The following PITPNM2 variants were observed in gnomAD, a reference collection of about 807,000 sequenced individuals.
The protein encoded by PITPNM2 is phosphatidylinositol transfer protein membrane associated 2.
Under a neutral mutation model 132.2 loss-of-function variants are expected in PITPNM2, and 35 were observed. The observed-to-expected ratio is 0.26, with a 90% CI of 0.20 to 0.35. The LOEUF (loss-of-function observed/expected upper bound fraction) is 0.35. Among genes scored for constraint, PITPNM2 ranks in the 10% least tolerant of loss-of-function variants. PITPNM2 has a pLI of 1.00. For synonymous variants in PITPNM2, 738 were observed against 799.2 expected, an observed-to-expected ratio of 0.92 and a Z score of 1.29; for missense variants, 1,332 against 1,912.0, an observed-to-expected ratio of 0.70 and a Z score of 5.66.
Position 123,082,210 on chromosome 12 carries a change from G to A in PITPNM2, c.-96+28175C>T, listed in dbSNP as rs2041984548. On this transcript the variant is annotated intron_variant, in intron 2 of 25. Coordinates refer to ENST00000320201, the MANE Select transcript of PITPNM2 (RefSeq NM_020845.3). The surrounding 1 kb of genome is among the most constrained non-coding windows in gnomAD (Gnocchi z 5.4). ...GGCCGTGGGCAAGTTCCTGCCTTGG[G>A]GCATCTGTACTTGCCACTCTCCCTC... 6.6e-6 allele frequency among the ~76,000 whole-genome samples: 1 copy of A among 152,176 alleles called. No homozygotes were observed. The highest frequency in any genetic ancestry group is 2.4e-5 in the African/African-American group (1 of 41,440).
chr12:123,085,663 TTA>T (rs1448108829), intron 2 of PITPNM2, among the ~76,000 whole-genome samples: 1 of 152,092 alleles, frequency 6.6e-6, no homozygotes, highest in Non-Finnish European at 1.5e-5. Flanking sequence ...ACAGAAAATT[TTA>T]TGTTATGTAT....
chr12:123,048,148 T>C (rs943832706), intron 2 of PITPNM2, among the ~76,000 whole-genome samples: 3 of 147,010 alleles, frequency 2.0e-5, no homozygotes, highest in Non-Finnish European at 4.5e-5. Flanking sequence ...CATCAAAACC[T>C]AATGAGAAAA....
At chr12:123,003,279 C>G (rs1343144734) in intron 8 of PITPNM2, among the ~76,000 whole-genome samples, 1 of 152,180 alleles carries the variant, frequency 6.6e-6, no homozygotes. Flanking sequence ...ACTTGCCGGC[C>G]CCCCTCCAGT....
Position 122,986,742 on chromosome 12 carries a change from C to T in PITPNM2, c.3501G>A (p.Gln1167=). Residue 1167 remains glutamine (Q), a synonymous_variant, in exon 24 of 26, where the codon CAG becomes CAA. Coordinates refer to ENST00000320201, the MANE Select transcript of PITPNM2 (RefSeq NM_020845.3). ...ACACCACGCCATGGGGGAAGTTGTG[C>T]TGGGCCAGCCACGCCACCACCCGCT... ...QKQRVVAWLA[Q]HNFPHGVVSF... The T allele has an allele frequency of 1.2e-6, 2 of 1,613,536 alleles. No individual in the cohort carries two copies. Among genetic ancestry groups the T allele is most frequent in the Non-Finnish European group, 1.7e-6 (2 of 1,179,984 alleles).
intron 8 of PITPNM2, among the ~76,000 whole-genome samples, chr12:123,003,986 T>C (rs2038806353): frequency 1.3e-5 from 2 of 152,214 alleles, no homozygotes; most frequent in South Asian, 4.1e-4. Flanking sequence ...GCATTAGATG[T>C]GGTATTAATT....
chr12:123,038,013 T>C (rs1390336929), intron 2 of PITPNM2, among the ~76,000 whole-genome samples: 1 of 151,956 alleles, frequency 6.6e-6, no homozygotes, highest in Non-Finnish European at 1.5e-5. Flanking sequence ...AACACACACC[T>C]GGAGGGCCCA....
Position 123,078,167 on chromosome 12 carries a change from G to A in PITPNM2, c.-96+32218C>T, listed in dbSNP as rs1421531906. Among the ~76,000 whole-genome samples, 1 of 152,194 alleles carries A rather than the reference G, an allele frequency of 6.6e-6. No individual in the cohort carries two copies. The highest frequency in any genetic ancestry group is 1.5e-5 in the Non-Finnish European group (1 of 68,024). ...TCCTCCACTGGGACCACTGAGCTGA[G>A]TTGCCATGGAGAAAGGGGAGCCGCT... is the stretch of plus-strand genomic sequence containing the variant. On this transcript the variant is annotated intron_variant, in intron 2 of 25. Coordinates refer to ENST00000320201, the MANE Select transcript of PITPNM2 (RefSeq NM_020845.3). This position sits in a 1 kb window ranked among gnomAD's most constrained non-coding sequence, Gnocchi z 7.3.
intron 2 of PITPNM2, among the ~76,000 whole-genome samples, chr12:123,046,385 C>G (rs1247006416): frequency 6.6e-6 from 1 of 152,192 alleles, no homozygotes; most frequent in Non-Finnish European, 1.5e-5. Flanking sequence ...TTGTAAGTGA[C>G]TTAATCCTCA....
At chr12:123,024,969 C>A (rs935076172) in intron 3 of PITPNM2, among the ~76,000 whole-genome samples, 1 of 151,982 alleles carries the variant, frequency 6.6e-6, no homozygotes, top group Admixed American at 6.6e-5. Context: ...GTACTAAGAT[C>A]AAAAAAATCA....
intron 2 of PITPNM2, among the ~76,000 whole-genome samples, chr12:123,094,044 T>G (rs1327636326): frequency 6.6e-6 from 1 of 152,218 alleles, no homozygotes; most frequent in Non-Finnish European, 1.5e-5. Context: ...GGGGATGCTA[T>G]GTGGCTGTGA....
chr12:123,063,478 G>A (rs1426088797), intron 2 of PITPNM2, among the ~76,000 whole-genome samples: 1 of 152,210 alleles, frequency 6.6e-6, no homozygotes, highest in African/African-American at 2.4e-5. Flanking sequence ...TCTGTTCTGT[G>A]ACGTTGCTTA....
rs986257861 is a variant in PITPNM2, at chr12:123,005,746, G to A, written c.644-198C>T. 2 of 593,594 alleles carry A rather than the reference G, an allele frequency of 3.4e-6. No individual in the cohort carries two copies. Among genetic ancestry groups the A allele is most frequent in the African/African-American group, 1.9e-5 (1 of 53,810 alleles). 36.8% of individuals were successfully genotyped at this position (593,594 alleles called of 1,614,324 possible). A position where few individuals can be genotyped will look rare whatever the true frequency, so the allele number is the denominator to read the frequency against. On this transcript the variant is annotated intron_variant, in intron 6 of 25. Coordinates refer to ENST00000320201, the MANE Select transcript of PITPNM2 (RefSeq NM_020845.3). The surrounding 1 kb of genome is among the most constrained non-coding windows in gnomAD (Gnocchi z 6.2). The stretch of plus-strand genomic sequence containing the variant: ...GACTGGCTCACAGATAGTCTCACAA[G>A]CTCATAGTGGTTCTATAATTAGAGT...
At chr12:122,991,760 G>T in intron 16 of PITPNM2, 2 of 1,297,274 alleles carry the variant, frequency 1.5e-6, no homozygotes, top group Non-Finnish European at 9.8e-7. Flanking sequence ...CACACACTCG[G>T]CACAGCCCGG....
At chr12:123,020,770 C>A (rs2039634428) in intron 3 of PITPNM2, among the ~76,000 whole-genome samples, 1 of 152,080 alleles carries the variant, frequency 6.6e-6, no homozygotes, top group South Asian at 2.1e-4. Flanking sequence ...TGCCTGTAAT[C>A]CCAGCACTTT....
chr12:123,006,448 C>A lies in PITPNM2; in HGVS notation c.644-900G>T, dbSNP rs151224164. Among the ~76,000 whole-genome samples, 227 of 151,818 alleles carry A rather than the reference C, an allele frequency of 1.5e-3. 1 individual carries two copies. The East Asian group carries it at 0.035, about 24-fold the overall frequency. The stretch of plus-strand genomic sequence containing the variant: ...AGGCATGGTAGCTCACATCTGTAAT[C>A]CTAGCACTTTGGGAGGCTGAGGTGA... On this transcript the variant is annotated intron_variant, in intron 6 of 25. Transcript: ENST00000320201.
chr12:122,990,178 G>A (rs994523569), intron 17 of PITPNM2, among the ~76,000 whole-genome samples: 1 of 152,256 alleles, frequency 6.6e-6, no homozygotes, highest in African/African-American at 2.4e-5. Flanking sequence ...AGCACGGGGC[G>A]CAGCCCCTGG....
intron 2 of PITPNM2, among the ~76,000 whole-genome samples, chr12:123,042,032 G>C (rs2040498488): frequency 6.6e-6 from 1 of 152,114 alleles, no homozygotes; most frequent in Admixed American, 6.5e-5. Flanking sequence ...TGGAGCAAGA[G>C]ACCAGCCGTG....
At chr12:123,126,772 G>A (rs1470669743) in intron 1 of PITPNM2, among the ~76,000 whole-genome samples, 1 of 152,134 alleles carries the variant, frequency 6.6e-6, no homozygotes, top group African/African-American at 2.4e-5. Flanking sequence ...ATCCCTCAAA[G>A]ACTGAATTAT....
chr12:123,008,250 T>G lies in PITPNM2; in HGVS notation c.643+1600A>C, dbSNP rs1592938054. Among the ~76,000 whole-genome samples the G allele has an allele frequency of 6.6e-6, 1 of 152,132 alleles. No individual in the cohort carries two copies. Among genetic ancestry groups the G allele is most frequent in the South Asian group, 2.1e-4 (1 of 4,830 alleles). ...CTTGGCCAGGATCTCAGCTGCTGGG[T>G]AGGGCTAGGGAGAGCCAAGCAGACC... On this transcript the variant is annotated intron_variant, in intron 6 of 25. Coordinates refer to ENST00000320201, the MANE Select transcript of PITPNM2 (RefSeq NM_020845.3). The surrounding 1 kb of genome is among the most constrained non-coding windows in gnomAD (Gnocchi z 4.1).
Sources: gnomAD v4.1 joint callset for allele counts (sites outside exome capture counted in the v4.1 genomes callset) on GRCh38, gnomAD v4.1.1 for gene constraint, Gnocchi (gnomAD v3.1) non-coding constraint, MANE v1.5 for transcripts, NCBI Gene and HGNC (gene_info 2026-07-23, HGNC 2026-07-21) for gene names.